Variants in ROBO2 observed in about 807,000 individuals in gnomAD.
ROBO2 encodes the protein roundabout homolog 2.
Under a neutral mutation model 160.8 loss-of-function variants are expected in ROBO2, and 53 were observed. That is an observed-to-expected ratio of 0.33 (90% CI 0.26 to 0.41). The LOEUF (loss-of-function observed/expected upper bound fraction) is 0.41. Ranked by LOEUF, ROBO2 falls within the 10% of genes least tolerant of loss-of-function variation. The pLI, the probability that ROBO2 is intolerant of heterozygous loss-of-function variation, is 1.00. For missense variants in ROBO2, 1,577 were observed against 1,722.4 expected, an observed-to-expected ratio of 0.92 and a Z score of 1.49; for synonymous variants, 664 against 611.7, an observed-to-expected ratio of 1.09 and a Z score of -1.26.
At position 77,478,006 on chromosome 3, in the gene ROBO2, T is replaced by C. The variant is rs777982862; in HGVS notation, c.546+435T>C. ...CACGCCCAGCTATTTTTTGTATTTT[T>C]TGTAGAGATGGGGTTTCACCATGTT... On this transcript the variant is annotated intron_variant, in intron 3 of 25. Transcript: ENST00000461745. Among the ~76,000 whole-genome samples, 89 of 152,010 alleles carry C rather than the reference T, an allele frequency of 5.9e-4. 1 individual carries two copies. The highest frequency in any genetic ancestry group is 1.2e-4 in the Non-Finnish European group (8 of 68,010).
chr3:76,903,200 T>C (rs980109455), intron 2 of ROBO2, among the ~76,000 whole-genome samples: 1 of 152,186 alleles, frequency 6.6e-6, no homozygotes, highest in Non-Finnish European at 1.5e-5. Context: ...TCATTTTATA[T>C]GTTAACTTTT....
intron 2 of ROBO2, among the ~76,000 whole-genome samples, chr3:76,323,679 C>T (rs1231348257): frequency 6.6e-6 from 1 of 152,154 alleles, no homozygotes; most frequent in Admixed American, 6.5e-5. Context: ...AGGTCCAAAA[C>T]CAGATGGCAA....
chr3:76,480,153 C>T (rs948581796), intron 2 of ROBO2, among the ~76,000 whole-genome samples: 2 of 152,230 alleles, frequency 1.3e-5, no homozygotes, highest in East Asian at 1.9e-4. Context: ...CATCATCATT[C>T]GATATACTTG....
At chr3:76,410,647 T>C (rs953871366) in intron 2 of ROBO2, among the ~76,000 whole-genome samples, 10 of 152,176 alleles carry the variant, frequency 6.6e-5, no homozygotes, top group African/African-American at 2.4e-4. Context: ...CTAATATAAG[T>C]TTGAACACCC....
rs901647538 is a variant in ROBO2 at position 76,079,028 on chromosome 3, T to C, written c.109+141426T>C. ...ACATGGACGGAACTGGAAGACATCA[T>C]GTTAAGTGAAATGAGCTAGGCACAG... On this transcript the variant is annotated intron_variant, in intron 2 of 26. Transcript: ENST00000487694. 3.3e-5 allele frequency among the ~76,000 whole-genome samples: 5 copies of C among 152,312 alleles called. No homozygotes were observed. The East Asian group carries it at 9.7e-4, about 29-fold the overall frequency.
At chr3:77,223,599 T>C (rs1191297969) in intron 2 of ROBO2, among the ~76,000 whole-genome samples, 1 of 152,084 alleles carries the variant, frequency 6.6e-6, no homozygotes, top group Non-Finnish European at 1.5e-5. Context: ...AGATTCATAA[T>C]TGAAATTTGG....
At chr3:77,254,929 C>T (rs1348712020) in intron 2 of ROBO2, among the ~76,000 whole-genome samples, 2 of 152,146 alleles carry the variant, frequency 1.3e-5, no homozygotes, top group African/African-American at 2.4e-5. Flanking sequence ...ACTTCAATTG[C>T]CAGTTTTGTG....
chr3:75,979,662 T>C (rs552580553), intron 2 of ROBO2, among the ~76,000 whole-genome samples: 3 of 151,716 alleles, frequency 2.0e-5, no homozygotes, highest in African/African-American at 4.8e-5. Context: ...GCTTTATGTG[T>C]TTCTTGTGTC....
At chr3:76,101,057 G>T (rs1334574617) in intron 2 of ROBO2, among the ~76,000 whole-genome samples, 4 of 152,074 alleles carry the variant, frequency 2.6e-5, no homozygotes, top group African/African-American at 4.8e-5. Flanking sequence ...AGGAAGCAAA[G>T]TATGTGCTTT....
At chr3:76,445,538 A>G (rs2109183771) in intron 2 of ROBO2, among the ~76,000 whole-genome samples, 1 of 152,316 alleles carries the variant, frequency 6.6e-6, no homozygotes, top group East Asian at 1.9e-4. Context: ...AACTCATTTT[A>G]TGAGGCCAGC....
At chr3:75,990,536 C>T (rs1006514093) in intron 2 of ROBO2, among the ~76,000 whole-genome samples, 13 of 152,250 alleles carry the variant, frequency 8.5e-5, no homozygotes, top group Admixed American at 2.6e-4. Flanking sequence ...GGTTCAATAA[C>T]AAAATGGTGA....
chr3:76,756,627 A>G (rs1424486067), intron 2 of ROBO2, among the ~76,000 whole-genome samples: 6 of 151,934 alleles, frequency 3.9e-5, no homozygotes, highest in African/African-American at 9.7e-5. Flanking sequence ...CAGATGATCC[A>G]TCAGAGTTAA....
At chr3:76,217,791 A>C (rs1703661107) in intron 2 of ROBO2, among the ~76,000 whole-genome samples, 1 of 152,182 alleles carries the variant, frequency 6.6e-6, no homozygotes, top group Non-Finnish European at 1.5e-5. Context: ...AAAAAGAGGG[A>C]ATCCTCCCTA....
chr3:77,267,466 C>A (rs2059200873), intron 2 of ROBO2, among the ~76,000 whole-genome samples: 1 of 152,112 alleles, frequency 6.6e-6, no homozygotes, highest in Non-Finnish European at 1.5e-5. Context: ...CTCACCTGCA[C>A]CTCTGTTACT....
chr3:76,823,525 T>C (rs2066300526), intron 2 of ROBO2, among the ~76,000 whole-genome samples: 1 of 152,168 alleles, frequency 6.6e-6, no homozygotes. Flanking sequence ...TGGCCTGTGC[T>C]TTGTTCAGAA....
intron 2 of ROBO2, among the ~76,000 whole-genome samples, chr3:77,017,145 A>G (rs2062319230): frequency 6.6e-6 from 1 of 152,222 alleles, no homozygotes; most frequent in Admixed American, 6.5e-5. Flanking sequence ...ATAAAAGCAT[A>G]TTAAGCCAAA....
chr3:76,612,342 G>A (rs1406107019), intron 2 of ROBO2, among the ~76,000 whole-genome samples: 3 of 152,200 alleles, frequency 2.0e-5, no homozygotes, highest in Non-Finnish European at 4.4e-5. Flanking sequence ...GTCGAATGCT[G>A]AGAGTGGGGT....
chr3:76,202,119 A>T (rs1702565203), intron 2 of ROBO2, among the ~76,000 whole-genome samples: 1 of 152,118 alleles, frequency 6.6e-6, no homozygotes, highest in Non-Finnish European at 1.5e-5. Flanking sequence ...ATAAAATGCA[A>T]ATCTGCATTT....
intron 2 of ROBO2, among the ~76,000 whole-genome samples, chr3:76,630,334 T>C (rs1028635524): frequency 3.9e-5 from 6 of 152,194 alleles, no homozygotes; most frequent in Admixed American, 1.3e-4. Context: ...TGCCCTGAGA[T>C]GGCTCTGGCC....
Sources: allele counts gnomAD v4.1 joint callset (sites outside exome capture counted in the v4.1 genomes callset), GRCh38; gene constraint gnomAD v4.1.1; transcripts MANE v1.5; gene names NCBI Gene and HGNC (gene_info 2026-07-23, HGNC 2026-07-21).